The following ANKS1B variants were observed in gnomAD, a reference collection of about 807,000 sequenced individuals.
ANKS1B encodes ankyrin repeat and sterile alpha motif domain containing 1B, also known as ankyrin repeat and sterile alpha motif domain-containing protein 1B.
Under a neutral mutation model 148.3 loss-of-function variants are expected in ANKS1B, and 36 were observed. The observed-to-expected ratio is 0.24, with a 90% CI of 0.19 to 0.32. The LOEUF (loss-of-function observed/expected upper bound fraction) is 0.32, where lower values mean the gene tolerates loss of function less well. ANKS1B is among the 10% of genes least tolerant of loss of function. The probability of loss-of-function intolerance (pLI) is 1.00; values close to 1 mark genes in which losing one functional copy is unlikely to be tolerated. For missense variants in ANKS1B, 1,157 were observed against 1,542.6 expected, an observed-to-expected ratio of 0.75 and a Z score of 4.19; for synonymous variants, 542 against 560.8, an observed-to-expected ratio of 0.97 and a Z score of 0.47.
intron 3 of ANKS1B, among the ~76,000 whole-genome samples, chr12:99,809,772 C>T (rs992005005): frequency 6.6e-6 from 1 of 151,904 alleles, no homozygotes. Context: ...GTATTAGAAA[C>T]CAAAGATAAC....
intron 22 of ANKS1B, among the ~76,000 whole-genome samples, chr12:98,788,840 A>C (rs571877881): frequency 5.3e-5 from 8 of 152,244 alleles, no homozygotes; most frequent in Non-Finnish European, 1.2e-4. Context: ...ATTCAGAAAG[A>C]ATCTAGTTTA....
intron 14 of ANKS1B, among the ~76,000 whole-genome samples, chr12:99,201,302 A>T (rs1375508054): frequency 6.6e-6 from 1 of 151,656 alleles, no homozygotes; most frequent in African/African-American, 2.4e-5. Flanking sequence ...ACTGTCTTTG[A>T]AAAACATTAT....
intron 10 of ANKS1B, among the ~76,000 whole-genome samples, chr12:99,450,205 G>A (rs551335991): frequency 1.3e-5 from 2 of 152,292 alleles, no homozygotes; most frequent in South Asian, 2.1e-4. Context: ...AGGTCAGGCA[G>A]GAGAAATTCC....
At chr12:98,781,460 T>C (rs770399067) in intron 23 of ANKS1B, 2 of 569,220 alleles carry the variant, frequency 3.5e-6, no homozygotes, top group South Asian at 1.5e-5. Flanking sequence ...AAAGAGTTTG[T>C]TCCGCTACTT....
At chr12:99,415,487 C>T (rs1359872983) in intron 11 of ANKS1B, among the ~76,000 whole-genome samples, 1 of 152,084 alleles carries the variant, frequency 6.6e-6, no homozygotes. Flanking sequence ...GTGCACACTG[C>T]TTTTTAAATA....
At chr12:99,368,876 T>C (rs1431215780) in intron 12 of ANKS1B, among the ~76,000 whole-genome samples, 1 of 152,194 alleles carries the variant, frequency 6.6e-6, no homozygotes, top group Non-Finnish European at 1.5e-5. Context: ...CATTTTATTT[T>C]GGAAAGCTCT....
chr12:99,283,225 C>T (rs572896394), intron 12 of ANKS1B, among the ~76,000 whole-genome samples: 1 of 152,222 alleles, frequency 6.6e-6, no homozygotes, highest in African/African-American at 2.4e-5. Flanking sequence ...CTAGAATGTG[C>T]TTAATAAATG....
chr12:99,699,171 C>G (rs780012187), intron 8 of ANKS1B, among the ~76,000 whole-genome samples: 4 of 152,166 alleles, frequency 2.6e-5, no homozygotes, highest in Non-Finnish European at 4.4e-5. Flanking sequence ...ACCCACTTCA[C>G]ACAGACACAT....
chr12:99,426,022 A>G (rs1378097943), intron 11 of ANKS1B, among the ~76,000 whole-genome samples: 2 of 152,088 alleles, frequency 1.3e-5, no homozygotes, highest in Non-Finnish European at 2.9e-5. Context: ...GTGTGTCTCT[A>G]TCTTTTCATA....
chr12:98,788,113 C>A (rs1383126588), intron 22 of ANKS1B, among the ~76,000 whole-genome samples: 1 of 151,250 alleles, frequency 6.6e-6, no homozygotes, highest in East Asian at 2.0e-4. Context: ...GAGAAAACTT[C>A]AAAGATTTTG....
intron 1 of ANKS1B, among the ~76,000 whole-genome samples, chr12:99,851,676 C>A (rs1258669439): frequency 6.6e-6 from 1 of 152,102 alleles, no homozygotes; most frequent in African/African-American, 2.4e-5. Context: ...TAATAATGTA[C>A]TATCTCTTAT....
At chr12:99,418,460 T>A (rs56314437) in intron 11 of ANKS1B, among the ~76,000 whole-genome samples, 1 of 152,112 alleles carries the variant, frequency 6.6e-6, no homozygotes, top group African/African-American at 2.4e-5. Flanking sequence ...TACAATTTTT[T>A]TATGTGTATC....
intron 14 of ANKS1B, among the ~76,000 whole-genome samples, chr12:99,170,747 G>A (rs2077668460): frequency 6.6e-6 from 1 of 152,092 alleles, no homozygotes; most frequent in Non-Finnish European, 1.5e-5. Context: ...CACCCATGAT[G>A]TTGTTGAAGG....
intron 17 of ANKS1B, among the ~76,000 whole-genome samples, chr12:98,869,682 T>TGC (rs71081887): frequency 2.0e-5 from 3 of 151,628 alleles, no homozygotes; most frequent in Non-Finnish European, 2.9e-5. Flanking sequence ...GTGGAATGCA[T>TGC]ACATATGTAT....
At chr12:99,874,866 C>T (rs1326245122) in intron 1 of ANKS1B, among the ~76,000 whole-genome samples, 1 of 152,170 alleles carries the variant, frequency 6.6e-6, no homozygotes, top group Admixed American at 6.5e-5. Flanking sequence ...TCAAAATACA[C>T]ATAAAGCACT....
At chr12:99,218,841 TAAG>T (rs1227138128) in intron 14 of ANKS1B, among the ~76,000 whole-genome samples, 2 of 152,058 alleles carry the variant, frequency 1.3e-5, no homozygotes, top group Non-Finnish European at 2.9e-5. Context: ...CTTTTATAAT[TAAG>T]AAGTAGGAGA....
intron 17 of ANKS1B, among the ~76,000 whole-genome samples, chr12:98,933,503 G>C (rs2099815601): frequency 6.6e-6 from 1 of 151,994 alleles, no homozygotes; most frequent in Non-Finnish European, 1.5e-5. Flanking sequence ...ATTTTGGTGG[G>C]GGATACATAC....
At chr12:99,846,939 A>G (rs1367016826) in intron 1 of ANKS1B, among the ~76,000 whole-genome samples, 1 of 152,088 alleles carries the variant, frequency 6.6e-6, no homozygotes, top group East Asian at 1.9e-4. Context: ...AAAACACTCA[A>G]CTGGGTTTCC....
Position 99,399,699 on chromosome 12 carries a change from G to A in ANKS1B, c.1688C>T (p.Pro563Leu). Residue 563 changes from proline (P) to leucine (L), a missense_variant, in exon 12 of 27, where the codon CCT becomes CTT. Pro to Leu is a moderately conservative substitution (Grantham distance 98). Coordinates refer to ENST00000683438, the MANE Select transcript of ANKS1B (RefSeq NM_001352186.2). ...AGAAGAGGTGGGTGGACTAGCAGGA[G>A]GACTGGCAGTAAAGCTTGTGCACCC... Reference protein sequence around the residue: ...STGCTSFTASPPASPPTSSVG... With the variant: ...STGCTSFTASLPASPPTSSVG... 1 of 1,613,522 alleles carries A rather than the reference G, an allele frequency of 6.2e-7. No individual in the cohort carries two copies. The highest frequency in any genetic ancestry group is 8.5e-7 in the Non-Finnish European group (1 of 1,179,542).
Sources: allele counts gnomAD v4.1 joint callset (sites outside exome capture counted in the v4.1 genomes callset), GRCh38; gene constraint gnomAD v4.1.1; transcripts MANE v1.5; gene names NCBI Gene and HGNC (gene_info 2026-07-23, HGNC 2026-07-21).